P3H2: variants seen among roughly 807,000 people sequenced by gnomAD.
P3H2 encodes the protein leprecan-like 1.
In P3H2, 80 loss-of-function variants were observed where a neutral mutation model predicts 87.0. The observed-to-expected ratio is 0.92, with a 90% confidence interval of 0.77 to 1.11. The LOEUF is 1.11. P3H2 is among the 50% of genes least tolerant of loss of function. The pLI is 0.00. For synonymous variants in P3H2, 367 were observed against 359.3 expected (o/e 1.02, Z -0.24); for missense variants, 1,001 against 923.9 (o/e 1.08, Z -1.08).
intron 7 of P3H2, chr3:189,983,426 G>T: frequency 2.8e-6 from 1 of 357,290 alleles, no homozygotes; most frequent in South Asian, 5.2e-5. Context: ...TCTCAAGTAG[G>T]AAAAAAATTA....
intron 1 of P3H2, among the ~76,000 whole-genome samples, chr3:190,015,766 G>A (rs1027348979): frequency 6.6e-6 from 1 of 152,202 alleles, no homozygotes. Flanking sequence ...ACCAAGCTAA[G>A]GTTGAACCAG....
chr3:190,057,621 A>T (rs1726199864), intron 1 of P3H2, among the ~76,000 whole-genome samples: 2 of 143,350 alleles, frequency 1.4e-5, no homozygotes, highest in South Asian at 4.4e-4. Flanking sequence ...CTGAGAGGAA[A>T]GAAAAAAGCC....
intron 3 of P3H2, among the ~76,000 whole-genome samples, chr3:189,990,002 T>C (rs531656914): frequency 2.0e-5 from 3 of 152,360 alleles, no homozygotes; most frequent in South Asian, 2.1e-4. Context: ...GTGGGTTCTT[T>C]TGAGAATGAT....
At chr3:190,001,425 A>T (rs1724214080) in intron 1 of P3H2, among the ~76,000 whole-genome samples, 1 of 152,224 alleles carries the variant, frequency 6.6e-6, no homozygotes, top group Admixed American at 6.5e-5. Flanking sequence ...ATTTTCAATA[A>T]ATGAATGAAT....
At chr3:189,994,049 T>A in intron 3 of P3H2, 45 bp downstream of exon 3, 1 of 1,460,744 alleles carries the variant, frequency 6.8e-7, no homozygotes. Flanking sequence ...GCAAGTAGTA[T>A]TTTTATAATC....
chr3:189,981,977 G>A (rs1329371827), intron 8 of P3H2, among the ~76,000 whole-genome samples: 1 of 152,208 alleles, frequency 6.6e-6, no homozygotes, highest in East Asian at 1.9e-4. Context: ...AAATGTGAGA[G>A]CTGTAGAGAG....
At chr3:190,038,729 C>T (rs945393146) in intron 1 of P3H2, among the ~76,000 whole-genome samples, 4 of 152,254 alleles carry the variant, frequency 2.6e-5, no homozygotes, top group East Asian at 1.9e-4. Context: ...CAGAAATATA[C>T]CTTATAGTTT....
intron 10 of P3H2, 147 bp downstream of exon 10, chr3:189,973,762 G>A: frequency 1.4e-6 from 1 of 737,566 alleles, no homozygotes; most frequent in South Asian, 1.4e-5. Flanking sequence ...CTGACCTCGT[G>A]ATCTGCCTGC....
At chr3:190,052,198 C>T (rs1395286347) in intron 1 of P3H2, among the ~76,000 whole-genome samples, 1 of 152,050 alleles carries the variant, frequency 6.6e-6, no homozygotes, top group Non-Finnish European at 1.5e-5. Context: ...GGTTCTAAGT[C>T]CCGCATGCAT....
At chr3:190,027,684 T>C (rs529666946) in intron 1 of P3H2, among the ~76,000 whole-genome samples, 1 of 151,418 alleles carries the variant, frequency 6.6e-6, no homozygotes, top group Non-Finnish European at 1.5e-5. Flanking sequence ...AACCTGTAGG[T>C]ACTGTTAACA....
At chr3:189,967,414 G>A (rs576367054) in intron 13 of P3H2, among the ~76,000 whole-genome samples, 1 of 147,124 alleles carries the variant, frequency 6.8e-6, no homozygotes, top group Admixed American at 6.9e-5. Flanking sequence ...AATGAAACAG[G>A]CATCCCTTGC....
intron 1 of P3H2, among the ~76,000 whole-genome samples, chr3:190,012,629 T>C (rs1252726372): frequency 6.6e-6 from 1 of 152,210 alleles, no homozygotes; most frequent in East Asian, 1.9e-4. Context: ...GACTGATTAT[T>C]TCTCACTCAT....
chr3:190,050,151 A>G (rs1478728702), intron 1 of P3H2, among the ~76,000 whole-genome samples: 1 of 152,206 alleles, frequency 6.6e-6, no homozygotes, highest in Non-Finnish European at 1.5e-5. Context: ...GCTACTTTCC[A>G]AAAGAGTTCA....
At chr3:189,974,714 T>G (rs1354374571) in intron 8 of P3H2, 29 bp from the exon 9 acceptor site, 2 of 1,613,984 alleles carry the variant, frequency 1.2e-6, no homozygotes, top group East Asian at 4.5e-5. Flanking sequence ...TTGTCTTCCC[T>G]GTTACCTCTG....
At position 189,983,085 on chromosome 3, in the gene P3H2, T is replaced by C. The variant is rs962612138; in HGVS notation, c.1285A>G (p.Lys429Glu). 1.9e-6 allele frequency: 3 copies of C among 1,613,980 alleles called. No homozygotes were observed. The highest frequency in any genetic ancestry group is 1.3e-5 in the African/African-American group (1 of 75,038). The stretch of plus-strand genomic sequence containing the variant: ...CGATCTATCTTGGGTGATAGCTTTT[T>C]TCCCATTGAGAATCCATGAACTTCT... ...GAEVHGFSMG[K>E]KLSPKIDRDL... The change falls in exon 8 of 15, where the codon AAA (lysine) becomes GAA (glutamate). Residue 429 changes from lysine to glutamate, a missense_variant. Transcript: ENST00000319332.
intron 1 of P3H2, among the ~76,000 whole-genome samples, chr3:190,028,250 A>G (rs1725144187): frequency 6.6e-6 from 1 of 152,218 alleles, no homozygotes; most frequent in Non-Finnish European, 1.5e-5. Flanking sequence ...CAAGAGAAAT[A>G]GCAAAGCCAT....
intron 1 of P3H2, among the ~76,000 whole-genome samples, chr3:190,086,866 C>T (rs899107215): frequency 2.0e-5 from 3 of 152,166 alleles, no homozygotes; most frequent in South Asian, 4.1e-4. Context: ...CAAAAGATTG[C>T]ACCATTTAAA....
chr3:190,060,675 G>A (rs1726303949), intron 1 of P3H2, among the ~76,000 whole-genome samples: 1 of 152,062 alleles, frequency 6.6e-6, no homozygotes, highest in African/African-American at 2.4e-5. Flanking sequence ...GTATCTCCAA[G>A]GGAAAACCAA....
intron 8 of P3H2, among the ~76,000 whole-genome samples, chr3:189,975,316 C>A (rs902170039): frequency 6.6e-6 from 1 of 152,162 alleles, no homozygotes; most frequent in African/African-American, 2.4e-5. Flanking sequence ...CAGAGAGAGA[C>A]CACAAGTTTA....
Sources: gnomAD v4.1 joint callset for allele counts (sites outside exome capture counted in the v4.1 genomes callset) on GRCh38, gnomAD v4.1.1 for gene constraint, MANE v1.5 for transcripts, NCBI Gene and HGNC (gene_info 2026-07-23, HGNC 2026-07-21) for gene names.